LIN54: variants seen among roughly 807,000 people sequenced by gnomAD.
LIN54 encodes the protein lin-54 DREAM MuvB core complex component.
Under a neutral mutation model 78.7 loss-of-function variants are expected in LIN54, and 9 were observed. That is an observed-to-expected ratio of 0.11 (90% CI 0.07 to 0.20). The LOEUF (loss-of-function observed/expected upper bound fraction) is 0.20, where lower values mean the gene tolerates loss of function less well. Ranked by LOEUF, LIN54 falls within the 10% of genes least tolerant of loss-of-function variation. The probability of loss-of-function intolerance (pLI) is 1.00; values close to 1 mark genes in which losing one functional copy is unlikely to be tolerated. For synonymous variants in LIN54, 269 were observed against 318.4 expected (o/e 0.84, Z 1.65); for missense variants, 573 against 889.9 (o/e 0.64, Z 4.53).
At chr4:83,005,632 A>G (rs1729291730) in intron 1 of LIN54, among the ~76,000 whole-genome samples, 1 of 152,116 alleles carries the variant, frequency 6.6e-6, no homozygotes, top group South Asian at 2.1e-4. Flanking sequence ...CTCAGAAAAA[A>G]AAAAAAAAAA....
intron 8 of LIN54, among the ~76,000 whole-genome samples, chr4:82,938,171 T>G (rs950771683): frequency 1.3e-5 from 2 of 152,166 alleles, no homozygotes; most frequent in African/African-American, 4.8e-5. Flanking sequence ...TTTGGAAACA[T>G]ACTCAGAATG....
intron 2 of LIN54, among the ~76,000 whole-genome samples, chr4:82,980,313 T>C (rs1156923358): frequency 6.6e-6 from 1 of 152,102 alleles, no homozygotes; most frequent in Admixed American, 6.5e-5. Context: ...TTATATCTTT[T>C]GGCAATGAAA....
At chr4:82,993,500 G>A (rs1223106229) in intron 1 of LIN54, among the ~76,000 whole-genome samples, 3 of 152,016 alleles carry the variant, frequency 2.0e-5, no homozygotes, top group African/African-American at 7.2e-5. Flanking sequence ...TCACAGCGGT[G>A]AGCCACCGCG....
intron 5 of LIN54, among the ~76,000 whole-genome samples, chr4:82,940,397 G>T (rs960880451): frequency 1.6e-4 from 24 of 150,886 alleles, no homozygotes; most frequent in African/African-American, 5.6e-4. Context: ...TTGGGTTTTT[G>T]TTTTTTTTTG....
intron 3 of LIN54, among the ~76,000 whole-genome samples, chr4:82,976,655 C>G (rs1726187507): frequency 6.6e-6 from 1 of 152,046 alleles, no homozygotes; most frequent in Admixed American, 6.6e-5. Flanking sequence ...TTGCAGTGAG[C>G]CAAGATAGCA....
chr4:82,983,747 C>G (rs1726885858), intron 2 of LIN54, among the ~76,000 whole-genome samples: 1 of 151,710 alleles, frequency 6.6e-6, no homozygotes, highest in Admixed American at 6.6e-5. Flanking sequence ...GAGGGTTTCT[C>G]AGAGCAACAA....
intron 1 of LIN54, among the ~76,000 whole-genome samples, chr4:83,003,736 G>A (rs1729059755): frequency 6.6e-6 from 1 of 152,072 alleles, no homozygotes; most frequent in Non-Finnish European, 1.5e-5. Flanking sequence ...ATGTTGCCCA[G>A]GCTAGTCTCA....
At chr4:82,953,459 A>C (rs1385556243) in intron 4 of LIN54, among the ~76,000 whole-genome samples, 1 of 152,128 alleles carries the variant, frequency 6.6e-6, no homozygotes, top group Non-Finnish European at 1.5e-5. Flanking sequence ...ATTTTGCCAC[A>C]ATTTTAAAAA....
intron 4 of LIN54, among the ~76,000 whole-genome samples, chr4:82,967,232 AAAAAG>A (rs1280460874): frequency 1.4e-4 from 22 of 152,144 alleles, no homozygotes; most frequent in African/African-American, 4.8e-4. Context: ...CTCAAAAAAA[AAAAAG>A]AAAAAAGAAA....
intron 2 of LIN54, among the ~76,000 whole-genome samples, chr4:82,983,392 T>C (rs1433340732): frequency 6.6e-6 from 1 of 152,162 alleles, no homozygotes; most frequent in Non-Finnish European, 1.5e-5. Flanking sequence ...TTAATATATA[T>C]TCCAGTAACC....
chr4:82,943,294 T>C (rs1480909178), intron 5 of LIN54, among the ~76,000 whole-genome samples: 1 of 152,184 alleles, frequency 6.6e-6, no homozygotes, highest in African/African-American at 2.4e-5. Context: ...ACAGGTTGTA[T>C]TCTGAAAAGG....
rs181294646 is a variant in LIN54, at chr4:82,928,737, A to G, written c.2049-434T>C. Among the ~76,000 whole-genome samples, 170 of 152,336 alleles carry G rather than the reference A, an allele frequency of 1.1e-3. 1 individual carries two copies. Among genetic ancestry groups the G allele is most frequent in the African/African-American group, 3.9e-3 (161 of 41,582 alleles). ...TGAATAGTTGCTGAATGAATGAATA[A>G]TACTGGGAATTGACAGCACTATCTC... On this transcript the variant is annotated intron_variant, in intron 12 of 12. Coordinates refer to ENST00000340417, the MANE Select transcript of LIN54 (RefSeq NM_194282.4).
intron 11 of LIN54, among the ~76,000 whole-genome samples, chr4:82,931,561 G>A (rs2126028006): frequency 6.6e-6 from 1 of 152,272 alleles, no homozygotes; most frequent in East Asian, 1.9e-4. Flanking sequence ...ACATTAAAGG[G>A]ATTTCACAGA....
At chr4:82,962,493 T>C (rs897885529) in intron 4 of LIN54, among the ~76,000 whole-genome samples, 4 of 152,174 alleles carry the variant, frequency 2.6e-5, no homozygotes, top group African/African-American at 9.7e-5. Flanking sequence ...ATGATCCAGA[T>C]GTTACAACCA....
intron 4 of LIN54, among the ~76,000 whole-genome samples, chr4:82,969,544 C>G (rs1331511386): frequency 6.6e-6 from 1 of 152,094 alleles, no homozygotes; most frequent in Non-Finnish European, 1.5e-5. Flanking sequence ...AGTCAAGGCT[C>G]ATTAAAGAAA....
At chr4:82,947,235 A>ATATTTTTTTT in intron 4 of LIN54, among the ~76,000 whole-genome samples, 1,828 of 44,244 alleles carry the variant, frequency 0.041, 159 homozygotes, top group East Asian at 0.057. Flanking sequence ...ATATATATAT[A>ATATTTTTTTT]TTTTTTTTTT....
chr4:82,974,567 T>A (rs1725990610), intron 3 of LIN54, among the ~76,000 whole-genome samples: 1 of 151,716 alleles, frequency 6.6e-6, no homozygotes. Flanking sequence ...TGAAACACCA[T>A]CTCTACTAAA....
chr4:82,955,860 A>G (rs72664764), intron 4 of LIN54, among the ~76,000 whole-genome samples: 33 of 152,358 alleles, frequency 2.2e-4, no homozygotes, highest in Admixed American at 3.9e-4. Context: ...TGACATGATT[A>G]ACCTAAAAAA....
chr4:83,009,602 A>G (rs1400570816), intron 1 of LIN54, among the ~76,000 whole-genome samples: 1 of 152,248 alleles, frequency 6.6e-6, no homozygotes, highest in Non-Finnish European at 1.5e-5. Flanking sequence ...ATAACCTAAT[A>G]AAACAGTGGC....
Sources: gnomAD v4.1 joint callset for allele counts (sites outside exome capture counted in the v4.1 genomes callset) on GRCh38, gnomAD v4.1.1 for gene constraint, MANE v1.5 for transcripts, NCBI Gene and HGNC (gene_info 2026-07-23, HGNC 2026-07-21) for gene names.